PGAP4: variants seen among roughly 807,000 people sequenced by gnomAD.
The protein encoded by PGAP4 is GPI-N-acetylgalactosamine transferase PGAP4.
Under a neutral mutation model 28.2 loss-of-function variants are expected in PGAP4, and 12 were observed. The ratio of observed to expected loss-of-function variants is 0.42; its 90% CI spans 0.27 to 0.69. The LOEUF is 0.69. Ranked by LOEUF, PGAP4 falls within the 30% of genes least tolerant of loss-of-function variation. The probability of loss-of-function intolerance (pLI) is 0.22; values close to 1 mark genes in which losing one functional copy is unlikely to be tolerated. For missense variants in PGAP4, 425 were observed against 513.5 expected (o/e 0.83, Z 1.67); for synonymous variants, 205 against 211.8 (o/e 0.97, Z 0.28).
upstream of PGAP4, among the ~76,000 whole-genome samples, chr9:101,491,443 T>C (rs1475821735): frequency 6.6e-6 from 1 of 152,062 alleles, no homozygotes; most frequent in South Asian, 2.1e-4. Context: ...ATTATTGAAA[T>C]TGATCAGTAC....
At chr9:101,496,094 C>T (rs1440516676) in intron 2 of PGAP4, among the ~76,000 whole-genome samples, 1 of 151,360 alleles carries the variant, frequency 6.6e-6, no homozygotes, top group South Asian at 2.1e-4. Flanking sequence ...TTATATGGAA[C>T]AATTTAGGCA....
At chr9:101,507,932 A>C (rs1472220384) in intron 2 of PGAP4, among the ~76,000 whole-genome samples, 2 of 150,700 alleles carry the variant, frequency 1.3e-5, no homozygotes, top group African/African-American at 5.0e-5. Flanking sequence ...TTTTGAGAGC[A>C]GACCAATCTC....
exon 1 of PGAP4, chr9:101,532,988 G>GCTT (rs1244066679): frequency 6.6e-6 from 1 of 152,018 alleles, no homozygotes; most frequent in East Asian, 1.9e-4. Context: ...GTTTATCATA[G>GCTT]TTCTGCGAGA....
At chr9:101,484,251 AAAG>A (rs1401862955) in intron 1 of PGAP4, among the ~76,000 whole-genome samples, 1 of 152,082 alleles carries the variant, frequency 6.6e-6, no homozygotes, top group Non-Finnish European at 1.5e-5. Flanking sequence ...AAGAAAAAGG[AAAG>A]AAGACAGAAA....
intron 2 of PGAP4, among the ~76,000 whole-genome samples, chr9:101,527,770 CAAATAAGCTT>C (rs1205884921): frequency 6.6e-6 from 1 of 152,140 alleles, no homozygotes; most frequent in African/African-American, 2.4e-5. Flanking sequence ...GCTACAGAGC[CAAATAAGCTT>C]AAAGTTAACA....
intron 2 of PGAP4, among the ~76,000 whole-genome samples, chr9:101,529,330 T>C (rs1035724474): frequency 2.0e-5 from 3 of 152,186 alleles, no homozygotes; most frequent in Non-Finnish European, 2.9e-5. Flanking sequence ...TAATTTTGTA[T>C]TTTTAGTAGG....
At chr9:101,480,159 A>G (rs1025152174) in intron 1 of PGAP4, among the ~76,000 whole-genome samples, 1 of 152,160 alleles carries the variant, frequency 6.6e-6, no homozygotes. Context: ...TACAGGGCTT[A>G]AGACCCGGCC....
intron 2 of PGAP4, among the ~76,000 whole-genome samples, chr9:101,512,672 T>G (rs1289834549): frequency 4.6e-5 from 7 of 152,166 alleles, no homozygotes; most frequent in African/African-American, 1.4e-4. Context: ...GGGACTTCTA[T>G]CTATTAACAA....
intron 1 of PGAP4, among the ~76,000 whole-genome samples, chr9:101,482,437 G>C (rs1193612515): frequency 6.6e-6 from 1 of 152,182 alleles, no homozygotes; most frequent in African/African-American, 2.4e-5. Context: ...CAGTGAGACT[G>C]TGACGATGAA....
intron 2 of PGAP4, among the ~76,000 whole-genome samples, chr9:101,512,225 T>A (rs900655474): frequency 4.6e-5 from 7 of 151,982 alleles, no homozygotes; most frequent in Non-Finnish European, 1.0e-4. Flanking sequence ...TGCCACATAA[T>A]CAAACTGCAA....
chr9:101,488,113 G>A (rs1011288534), upstream of PGAP4, among the ~76,000 whole-genome samples: 2 of 152,106 alleles, frequency 1.3e-5, no homozygotes, highest in African/African-American at 4.8e-5. Context: ...ACACCCACCT[G>A]AGCCCCCATT....
chr9:101,501,558 A>T lies in PGAP4; in HGVS notation c.-164-12358T>A, dbSNP rs559822279. ...CATGATTTCATGCATTTAGAGGAGAAATATTTCCTGGTTAAGTGGAAAATT... is the reference window on the plus strand; with the variant it reads ...CATGATTTCATGCATTTAGAGGAGATATATTTCCTGGTTAAGTGGAAAATT... On this transcript the variant is annotated intron_variant, in intron 2 of 3. Transcript: ENST00000374851. 418 of 420,358 alleles carry T rather than the reference A, an allele frequency of 9.9e-4. 6 individuals are homozygous for T. The Middle Eastern group carries it at 0.013, about 13-fold the overall frequency. The allele number at this position is 420,358 out of a possible 1,614,324, so 26.0% of individuals were successfully genotyped here.
chr9:101,514,563 T>C (rs962907112), intron 2 of PGAP4, among the ~76,000 whole-genome samples: 1 of 152,110 alleles, frequency 6.6e-6, no homozygotes, highest in African/African-American at 2.4e-5. Flanking sequence ...TGTGTGTGCA[T>C]GTAAAAGGAC....
In PGAP4 at chr9:101,476,590, T is replaced by C. The variant is rs548000749; in HGVS notation, c.503A>G (p.Tyr168Cys). The C allele has an allele frequency of 6.8e-6, 11 of 1,614,178 alleles. No individual in the cohort carries two copies. The highest frequency in any genetic ancestry group is 1.6e-4 in the Middle Eastern group (1 of 6,062). ...ACCATAATCATCCTCAGTGCCCTCA[T>C]AGCGATTGGCCACAGGGACATACTT... Reference protein sequence around the residue: ...LSKYVPVANRYEGTEDDYGDD... With the variant: ...LSKYVPVANRCEGTEDDYGDD... The change falls in exon 2 of 2, where the codon TAT becomes TGT. Residue 168 changes from tyrosine (Y) to cysteine (C), a missense_variant. Coordinates refer to ENST00000374848, the MANE Select transcript of PGAP4 (RefSeq NM_032342.3). This position sits in a 1 kb window ranked among gnomAD's most constrained non-coding sequence, Gnocchi z 7.0.
At chr9:101,524,649 A>T (rs1827018552) in intron 2 of PGAP4, among the ~76,000 whole-genome samples, 1 of 152,160 alleles carries the variant, frequency 6.6e-6, no homozygotes, top group Non-Finnish European at 1.5e-5. Context: ...CCAGGGCCTT[A>T]CTGCTGCTTC....
At chr9:101,513,241 A>G (rs1201315895) in intron 2 of PGAP4, among the ~76,000 whole-genome samples, 1 of 152,186 alleles carries the variant, frequency 6.6e-6, no homozygotes, top group Non-Finnish European at 1.5e-5. Flanking sequence ...GCAATTGCTC[A>G]TAAACCTAAA....
chr9:101,487,266 C>A (rs1281766431), upstream of PGAP4: 1 of 152,404 alleles, frequency 6.6e-6, no homozygotes, highest in South Asian at 2.1e-4. Context: ...CCCCAAGTCA[C>A]GCAAACAGGA....
rs1031661277 is a variant in PGAP4, at chr9:101,475,678, G to A, written c.*203C>T. ...TGTGGCTGTGTGGAGGGAGAGGTCC[G>A]GACCTGTGGCAAACTGCTGCTCCTG... On this transcript the variant is annotated 3_prime_UTR_variant, in exon 2 of 2. Transcript: ENST00000374848. The A allele has an allele frequency of 3.5e-5, 21 of 605,624 alleles. No homozygotes were observed. Among genetic ancestry groups the A allele is most frequent in the Middle Eastern group, 4.4e-4 (1 of 2,280 alleles). 37.5% of individuals were successfully genotyped at this position (605,624 alleles called of 1,614,324 possible). A position where few individuals can be genotyped will look rare whatever the true frequency, so the allele number is the denominator to read the frequency against.
Position 101,473,220 on chromosome 9 carries a change from A to C in PGAP4, c.*2661T>G, listed in dbSNP as rs1385427288. The C allele has an allele frequency of 6.6e-6, 1 of 152,222 alleles. No individual in the cohort carries two copies. Among genetic ancestry groups the C allele is most frequent in the Non-Finnish European group, 1.5e-5 (1 of 68,030 alleles). 9.4% of individuals were successfully genotyped at this position (152,222 alleles called of 1,614,324 possible). A position where few individuals can be genotyped will look rare whatever the true frequency, so the allele number is the denominator to read the frequency against. The stretch of plus-strand genomic sequence containing the variant: ...TTTCACAGACATGTCTATGCAATAC[A>C]CTCAGTCACAAGAGAGAGCTTCTTA... On this transcript the variant is annotated 3_prime_UTR_variant, in exon 2 of 2. Transcript: ENST00000374848.
Sources: allele counts gnomAD v4.1 joint callset (sites outside exome capture counted in the v4.1 genomes callset), GRCh38; gene constraint gnomAD v4.1.1; non-coding constraint Gnocchi (gnomAD v3.1); transcripts MANE v1.5; gene names NCBI Gene and HGNC (gene_info 2026-07-23, HGNC 2026-07-21).